DAPP1: variants seen among roughly 807,000 people sequenced by gnomAD.
DAPP1 encodes the protein dual adaptor of phosphotyrosine and 3-phosphoinositides 1.
A neutral mutation model predicts 41.5 loss-of-function variants in DAPP1; 20 were observed. The observed-to-expected ratio is 0.48, with a 90% CI of 0.34 to 0.70. The LOEUF is 0.70. Among genes scored for constraint, DAPP1 ranks in the 30% least tolerant of loss-of-function variants. The probability of loss-of-function intolerance (pLI) is 0.01; values close to 1 mark genes in which losing one functional copy is unlikely to be tolerated. For synonymous variants in DAPP1, 113 were observed against 116.2 expected (o/e 0.97, Z 0.18); for missense variants, 233 against 333.4 (o/e 0.70, Z 2.35).
chr4:99,851,534 G>GTTTT lies in DAPP1; in HGVS notation c.359-1663_359-1660dup, dbSNP rs537614787. ...TCATAGACAGGTTTTGTTTTGTGTA[G>GTTTT]TTTTTTTTTTTTTTTTTTTTTTTTG... On this transcript the variant is annotated intron_variant, in intron 3 of 8. Coordinates refer to ENST00000512369, the MANE Select transcript of DAPP1 (RefSeq NM_014395.3). Among the ~76,000 whole-genome samples, 517 of 77,792 alleles carry GTTTT rather than the reference G, an allele frequency of 6.6e-3. 15 individuals are homozygous for GTTTT. Among genetic ancestry groups the GTTTT allele is most frequent in the Non-Finnish European group, 8.4e-3 (355 of 42,514 alleles). The allele number at this position is 77,792 out of a possible 152,430, so 51.0% of individuals were successfully genotyped here.
downstream of DAPP1, among the ~76,000 whole-genome samples, chr4:99,871,546 C>G (rs921596101): frequency 1.3e-5 from 2 of 152,062 alleles, no homozygotes; most frequent in Non-Finnish European, 2.9e-5. Flanking sequence ...CATAAAGTTA[C>G]TATCTCAAAT....
At chr4:99,867,805 C>A (rs185028894) in intron 8 of DAPP1, among the ~76,000 whole-genome samples, 2 of 152,212 alleles carry the variant, frequency 1.3e-5, no homozygotes, top group Non-Finnish European at 2.9e-5. Context: ...TCCATATTAT[C>A]AATTTTAGAT....
chr4:99,857,156 C>T (rs1301694914), intron 4 of DAPP1, among the ~76,000 whole-genome samples: 2 of 152,102 alleles, frequency 1.3e-5, no homozygotes, highest in Non-Finnish European at 2.9e-5. Context: ...TCAGTAGTAC[C>T]TTTTGTACAT....
At chr4:99,818,978 T>G (rs2110130709) in intron 1 of DAPP1, among the ~76,000 whole-genome samples, 1 of 152,352 alleles carries the variant, frequency 6.6e-6, no homozygotes, top group Non-Finnish European at 1.5e-5. Context: ...AATATGTATC[T>G]ACCAAATGCA....
rs531483876 is a variant in DAPP1 at position 99,858,594 on chromosome 4, C to T, written c.490-2984C>T. ...TTGAGACTATAAGAATATTCTGTTA[C>T]TTATTAAATTTTTACTTGCCAATTT... On this transcript the variant is annotated intron_variant, in intron 4 of 8. Transcript: ENST00000512369. 5.3e-5 allele frequency among the ~76,000 whole-genome samples: 8 copies of T among 152,266 alleles called. No individual in the cohort carries two copies. The East Asian group carries it at 1.5e-3, about 29-fold the overall frequency.
chr4:99,841,219 A>C (rs1245160531), intron 3 of DAPP1, among the ~76,000 whole-genome samples: 1 of 152,196 alleles, frequency 6.6e-6, no homozygotes, highest in African/African-American at 2.4e-5. Flanking sequence ...GAGTTTGTAC[A>C]TACGTGTTTT....
At chr4:99,862,558 A>C (rs994595576) in intron 5 of DAPP1, among the ~76,000 whole-genome samples, 3 of 152,140 alleles carry the variant, frequency 2.0e-5, no homozygotes, top group Admixed American at 6.5e-5. Flanking sequence ...TAAAGCCTCC[A>C]ATGATAGTAT....
downstream of DAPP1, among the ~76,000 whole-genome samples, chr4:99,871,169 C>A (rs114935018): frequency 1.6e-4 from 25 of 152,194 alleles, no homozygotes; most frequent in African/African-American, 5.8e-4. Context: ...ATGCTGTGTC[C>A]CTGTTTCAGG....
In DAPP1 at chr4:99,869,378, A is replaced by T. The variant is rs1214036996; in HGVS notation, c.*1193A>T. ...ATCTTTTTTAATACTATTTTTGTTTAGATAGAAGTTTCAAAGAAGATAAAA... is the reference window on the plus strand; with the variant it reads ...ATCTTTTTTAATACTATTTTTGTTTTGATAGAAGTTTCAAAGAAGATAAAA... On this transcript the variant is annotated 3_prime_UTR_variant, in exon 9 of 9. Transcript: ENST00000512369. The T allele has an allele frequency of 6.6e-6, 1 of 152,180 alleles. No individual in the cohort carries two copies. The highest frequency in any genetic ancestry group is 1.5e-5 in the Non-Finnish European group (1 of 68,016). 9.4% of individuals were successfully genotyped at this position (152,180 alleles called of 1,614,324 possible). A position where few individuals can be genotyped will look rare whatever the true frequency, so the allele number is the denominator to read the frequency against.
In DAPP1 at chr4:99,819,799, A is replaced by G. The variant is rs115490315; in HGVS notation, c.101+2785A>G. Among the ~76,000 whole-genome samples the G allele has an allele frequency of 3.0e-3, 462 of 152,276 alleles. 3 individuals are homozygous for G. Among genetic ancestry groups the G allele is most frequent in the African/African-American group, 0.01 (433 of 41,582 alleles). On this transcript the variant is annotated intron_variant, in intron 1 of 8. Coordinates refer to ENST00000512369, the MANE Select transcript of DAPP1 (RefSeq NM_014395.3). ...ATAAGTTAGTGGTTAAATTACAGAAATAGCAGAAGTCTTTGTTCTTGGGCC... is the reference window on the plus strand; with the variant it reads ...ATAAGTTAGTGGTTAAATTACAGAAGTAGCAGAAGTCTTTGTTCTTGGGCC...
intron 1 of DAPP1, among the ~76,000 whole-genome samples, chr4:99,829,887 A>T (rs76897844): frequency 0.069 from 10,568 of 152,154 alleles, 419 homozygotes; most frequent in Non-Finnish European, 0.1. Context: ...CAAATACGTT[A>T]TTTTCTCTGT....
At chr4:99,850,694 G>T (rs1438604129) in intron 3 of DAPP1, among the ~76,000 whole-genome samples, 1 of 152,156 alleles carries the variant, frequency 6.6e-6, no homozygotes, top group Non-Finnish European at 1.5e-5. Context: ...ATCACAAGTA[G>T]TGATTACTAG....
At chr4:99,857,063 A>G (rs1724068352) in intron 4 of DAPP1, among the ~76,000 whole-genome samples, 1 of 152,240 alleles carries the variant, frequency 6.6e-6, no homozygotes, top group Non-Finnish European at 1.5e-5. Context: ...CCTTGACAAG[A>G]GACCCGTGGA....
chr4:99,868,407 C>T lies in DAPP1; in HGVS notation c.*222C>T, dbSNP rs1336042935. 1 of 562,632 alleles carries T rather than the reference C, an allele frequency of 1.8e-6. No individual in the cohort carries two copies. Among genetic ancestry groups the T allele is most frequent in the African/African-American group, 1.9e-5 (1 of 52,982 alleles). The allele number at this position is 562,632 out of a possible 1,614,324, so 34.9% of individuals were successfully genotyped here. A position where few individuals can be genotyped will look rare whatever the true frequency, so the allele number is the denominator to read the frequency against. On this transcript the variant is annotated 3_prime_UTR_variant, in exon 9 of 9. Transcript: ENST00000512369. Reference sequence around the variant, plus strand: ...TGAGAACACTGAAGCAATCACCATTCTGATAGAAAGTGCTTAAACCACCAC... The same window carrying T: ...TGAGAACACTGAAGCAATCACCATTTTGATAGAAAGTGCTTAAACCACCAC...
chr4:99,826,936 C>T (rs1722955213), intron 1 of DAPP1, among the ~76,000 whole-genome samples: 1 of 152,202 alleles, frequency 6.6e-6, no homozygotes, highest in South Asian at 2.1e-4. Context: ...TCTATGTTAA[C>T]CTGCAGATCC....
chr4:99,820,920 A>G (rs988916824), intron 1 of DAPP1, among the ~76,000 whole-genome samples: 1 of 152,236 alleles, frequency 6.6e-6, no homozygotes, highest in Non-Finnish European at 1.5e-5. Context: ...CTCCCAGTCC[A>G]TACTAAAACA....
rs187789057 is a variant in DAPP1 at position 99,823,650 on chromosome 4, T to C, written c.101+6636T>C. 1.7e-3 allele frequency among the ~76,000 whole-genome samples: 254 copies of C among 152,324 alleles called. 1 individual carries two copies. The highest frequency in any genetic ancestry group is 5.7e-3 in the African/African-American group (238 of 41,560). ...GATTCTGGAGGGCCTAAAATAGATTTGGTCAATGAACAATGTGGACTCACT... is the reference window on the plus strand; with the variant it reads ...GATTCTGGAGGGCCTAAAATAGATTCGGTCAATGAACAATGTGGACTCACT... On this transcript the variant is annotated intron_variant, in intron 1 of 8. Coordinates refer to ENST00000512369, the MANE Select transcript of DAPP1 (RefSeq NM_014395.3).
chr4:99,867,959 CAT>C (rs1235732117), intron 8 of DAPP1, among the ~76,000 whole-genome samples, 156 bp from the exon 9 acceptor site: 1 of 152,140 alleles, frequency 6.6e-6, no homozygotes, highest in Non-Finnish European at 1.5e-5. Context: ...TTTCTGGACA[CAT>C]GATAATTAGC....
At chr4:99,834,495 A>C (rs1213010271) in intron 1 of DAPP1, among the ~76,000 whole-genome samples, 1 of 152,184 alleles carries the variant, frequency 6.6e-6, no homozygotes, top group Non-Finnish European at 1.5e-5. Flanking sequence ...TGTCAGGCTG[A>C]AACAGTACTT....
Sources: gnomAD v4.1 joint callset for allele counts (sites outside exome capture counted in the v4.1 genomes callset) on GRCh38, gnomAD v4.1.1 for gene constraint, MANE v1.5 for transcripts, NCBI Gene and HGNC (gene_info 2026-07-23, HGNC 2026-07-21) for gene names.